KCNMA1: variants seen among roughly 807,000 people sequenced by gnomAD.
KCNMA1 encodes potassium calcium-activated channel subfamily M alpha 1, also known as Calcium-activated potassium channel subunit alpha-1.
A neutral mutation model predicts 140.0 loss-of-function variants in KCNMA1; 29 were observed. The ratio of observed to expected loss-of-function variants is 0.21; its 90% CI spans 0.15 to 0.28. The LOEUF (loss-of-function observed/expected upper bound fraction) is 0.28. Among genes scored for constraint, KCNMA1 ranks in the 10% least tolerant of loss-of-function variants. KCNMA1 has a pLI of 1.00. For missense variants in KCNMA1, 880 were observed against 1,602.2 expected (o/e 0.55, Z 7.70); for synonymous variants, 612 against 611.9 (o/e 1.00, Z 0.00).
intron 2 of KCNMA1, among the ~76,000 whole-genome samples, chr10:77,388,025 A>G (rs1288759328): frequency 6.6e-6 from 1 of 152,230 alleles, no homozygotes; most frequent in Non-Finnish European, 1.5e-5. Flanking sequence ...TGAACCCAGA[A>G]GATGAAAGCT....
chr10:77,102,695 C>A (rs1486295646), intron 9 of KCNMA1, among the ~76,000 whole-genome samples: 1 of 152,218 alleles, frequency 6.6e-6, no homozygotes, highest in Non-Finnish European at 1.5e-5. Flanking sequence ...GGGTCAAGGT[C>A]ATTGAACAAG....
Position 77,084,805 on chromosome 10 carries a change from G to A in KCNMA1, c.1441-86C>T, listed in dbSNP as rs568558851. 40 of 962,162 alleles carry A rather than the reference G, an allele frequency of 4.2e-5. No individual in the cohort carries two copies. In the South Asian group the frequency reaches 4.6e-4, roughly 11 times the overall value. The allele number at this position is 962,162 out of a possible 1,614,324, so 59.6% of individuals were successfully genotyped here. On this transcript the variant is annotated intron_variant, in intron 11 of 27. Coordinates refer to ENST00000286628, the MANE Select transcript of KCNMA1 (RefSeq NM_001161352.2). ...AGTCTCTCTCTGTTGACAGCTTCTT[G>A]GGGAAGCTTTGCAAAGAAAAAAAAA... is the stretch of plus-strand genomic sequence containing the variant.
At chr10:76,978,956 T>G (rs769692423) in intron 19 of KCNMA1, among the ~76,000 whole-genome samples, 2 of 152,230 alleles carry the variant, frequency 1.3e-5, no homozygotes, top group Non-Finnish European at 2.9e-5. Flanking sequence ...ATATTTTATT[T>G]TGATAGTTTG....
At chr10:77,317,765 C>G (rs547717636) in intron 2 of KCNMA1, among the ~76,000 whole-genome samples, 4 of 152,310 alleles carry the variant, frequency 2.6e-5, no homozygotes, top group Admixed American at 6.5e-5. Flanking sequence ...ATTTCCTCAT[C>G]AGGGAAGATA....
chr10:77,332,697 TGAACACATCCATGGGATCACAGCAA>T (rs1474139394), intron 2 of KCNMA1, among the ~76,000 whole-genome samples: 3 of 152,136 alleles, frequency 2.0e-5, no homozygotes, highest in African/African-American at 7.2e-5. Context: ...GCAGTACACT[TGAACACATCCATGGGATCACAGCAA>T]GGAGGCCAAA....
intron 1 of KCNMA1, among the ~76,000 whole-genome samples, chr10:77,460,937 C>T (rs2097855336): frequency 1.3e-5 from 2 of 152,130 alleles, no homozygotes; most frequent in Non-Finnish European, 2.9e-5. Flanking sequence ...GAAACCCCAT[C>T]TCTACTAAAA....
At position 77,257,876 on chromosome 10, in the gene KCNMA1, G is replaced by A. The variant is rs367739813; in HGVS notation, c.541-6620C>T. ...ATGATTGTTAGGCCTCCCCAGCCAC[G>A]TGGAACTGTGAGTCCATTAAACCTC... On this transcript the variant is annotated intron_variant, in intron 2 of 27. Transcript: ENST00000286628. Among the ~76,000 whole-genome samples, 39 of 152,288 alleles carry A rather than the reference G, an allele frequency of 2.6e-4. 1 individual carries two copies. Among genetic ancestry groups the A allele is most frequent in the African/African-American group, 8.2e-4 (34 of 41,568 alleles).
chr10:77,427,745 ATTTATTTATTTAT>A (rs2097054169), intron 1 of KCNMA1, among the ~76,000 whole-genome samples: 3 of 150,988 alleles, frequency 2.0e-5, no homozygotes, highest in African/African-American at 7.3e-5. Context: ...TTATTTATTT[ATTTATTTATTTAT>A]TTATTTATTG....
intron 18 of KCNMA1, among the ~76,000 whole-genome samples, chr10:77,008,491 A>T (rs1456643539): frequency 6.6e-6 from 1 of 152,180 alleles, no homozygotes; most frequent in Non-Finnish European, 1.5e-5. Context: ...CTTGATAGAG[A>T]GCTATGAAGA....
intron 1 of KCNMA1, among the ~76,000 whole-genome samples, chr10:77,537,557 A>T (rs2059189198): frequency 6.6e-6 from 1 of 152,206 alleles, no homozygotes; most frequent in Admixed American, 6.5e-5. Context: ...AAAAATTAAA[A>T]TCACTCAGAA....
chr10:77,603,609 G>C (rs1347151124), intron 1 of KCNMA1, among the ~76,000 whole-genome samples: 1 of 152,156 alleles, frequency 6.6e-6, no homozygotes, highest in African/African-American at 2.4e-5. Context: ...GGAGGAGTTA[G>C]AAGAGGAAAC....
chr10:77,376,950 T>TACAC (rs1428346558), intron 2 of KCNMA1, among the ~76,000 whole-genome samples: 1 of 151,140 alleles, frequency 6.6e-6, no homozygotes, highest in East Asian at 1.9e-4. Flanking sequence ...AATAAATAAA[T>TACAC]ACATACATAC....
chr10:76,876,756 A>G (rs923041866), downstream of KCNMA1: 3 of 152,244 alleles, frequency 2.0e-5, no homozygotes, highest in African/African-American at 7.2e-5. Context: ...ATCCTATGGT[A>G]AAGTAAAACT....
intron 9 of KCNMA1, among the ~76,000 whole-genome samples, chr10:77,096,707 C>T (rs1182777363): frequency 6.6e-6 from 1 of 152,168 alleles, no homozygotes; most frequent in African/African-American, 2.4e-5. Flanking sequence ...ATTGAAAATC[C>T]TATACAGCTT....
At chr10:77,429,894 T>C (rs915661276) in intron 1 of KCNMA1, among the ~76,000 whole-genome samples, 3 of 152,142 alleles carry the variant, frequency 2.0e-5, no homozygotes, top group Admixed American at 6.6e-5. Context: ...TTCAAAATCC[T>C]ACTAAGAGAT....
intron 2 of KCNMA1, among the ~76,000 whole-genome samples, chr10:77,341,635 G>A (rs1178589880): frequency 6.6e-6 from 1 of 152,222 alleles, no homozygotes; most frequent in Non-Finnish European, 1.5e-5. Context: ...AAGGGGAGGG[G>A]ATGGTGATGT....
chr10:76,929,337 A>G (rs2058675808), intron 23 of KCNMA1, among the ~76,000 whole-genome samples: 1 of 152,094 alleles, frequency 6.6e-6, no homozygotes, highest in African/African-American at 2.4e-5. Flanking sequence ...TCCATTTCCT[A>G]TGCTGATTAG....
chr10:77,635,103 G>A (rs2093614614), intron 1 of KCNMA1: 1 of 152,076 alleles, frequency 6.6e-6, no homozygotes, highest in South Asian at 2.1e-4. Flanking sequence ...GCAGGTCTTG[G>A]GGCTACAAAA....
chr10:77,113,548 C>T (rs1300099557), intron 6 of KCNMA1, among the ~76,000 whole-genome samples: 2 of 152,352 alleles, frequency 1.3e-5, no homozygotes, highest in East Asian at 3.9e-4. Flanking sequence ...ACTGCAACCT[C>T]TGCCTGCCAG....
Sources: allele counts gnomAD v4.1 joint callset (sites outside exome capture counted in the v4.1 genomes callset), GRCh38; gene constraint gnomAD v4.1.1; transcripts MANE v1.5; gene names NCBI Gene and HGNC (gene_info 2026-07-23, HGNC 2026-07-21).